ASIC2: variants seen among roughly 807,000 people sequenced by gnomAD.
ASIC2 encodes the protein acid-sensing ion channel 2.
Under a neutral mutation model 57.3 loss-of-function variants are expected in ASIC2, and 25 were observed. The ratio of observed to expected loss-of-function variants is 0.44; its 90% CI spans 0.32 to 0.61. The LOEUF is 0.61. Among genes scored for constraint, ASIC2 ranks in the 20% least tolerant of loss-of-function variants. ASIC2 has a pLI of 0.06. For missense variants in ASIC2, 641 were observed against 738.1 expected (o/e 0.87, Z 1.52); for synonymous variants, 319 against 307.5 (o/e 1.04, Z -0.39).
At chr17:33,266,213 G>A (rs1195869799) in intron 1 of ASIC2, among the ~76,000 whole-genome samples, 2 of 152,136 alleles carry the variant, frequency 1.3e-5, no homozygotes, top group Non-Finnish European at 2.9e-5. Flanking sequence ...TTTGAGTTCT[G>A]TATACAACAC....
chr17:33,423,085 G>C (rs1911100438), intron 1 of ASIC2, among the ~76,000 whole-genome samples: 1 of 152,178 alleles, frequency 6.6e-6, no homozygotes, highest in Non-Finnish European at 1.5e-5. Flanking sequence ...ATATCACACT[G>C]TTGGGGGCTC....
chr17:33,691,714 A>G (rs531253290), intron 1 of ASIC2, among the ~76,000 whole-genome samples: 4 of 152,220 alleles, frequency 2.6e-5, no homozygotes, highest in East Asian at 1.9e-4. Flanking sequence ...ATTGGATTCT[A>G]TGTAACCAAA....
chr17:33,948,823 C>T (rs1226114689), intron 1 of ASIC2, among the ~76,000 whole-genome samples: 1 of 152,098 alleles, frequency 6.6e-6, no homozygotes, highest in Non-Finnish European at 1.5e-5. Context: ...GATAAAAGCA[C>T]CAAGATAAAG....
At chr17:33,964,565 G>A (rs1196364523) in intron 1 of ASIC2, among the ~76,000 whole-genome samples, 2 of 152,196 alleles carry the variant, frequency 1.3e-5, no homozygotes, top group East Asian at 1.9e-4. Context: ...GTGATACCAC[G>A]CTGCAAAACC....
In ASIC2 at chr17:33,205,671, C is replaced by A. The variant is rs149032822; in HGVS notation, c.708+85737G>T. On this transcript the variant is annotated intron_variant, in intron 1 of 9. Transcript: ENST00000225823. ...TGAACCTGGCAATTTGTACAACTGG[C>A]CTCTTGCTGGAGGCAGCCGGCCATT... Among the ~76,000 whole-genome samples, 492 of 152,340 alleles carry A rather than the reference C, an allele frequency of 3.2e-3. 6 individuals carry two copies. Among genetic ancestry groups the A allele is most frequent in the African/African-American group, 0.011 (451 of 41,568 alleles).
intron 1 of ASIC2, among the ~76,000 whole-genome samples, chr17:33,496,531 C>T (rs990475618): frequency 6.6e-6 from 1 of 151,246 alleles, no homozygotes; most frequent in East Asian, 2.0e-4. Context: ...CAAATGCCCT[C>T]ACCTTCTGAG....
intron 1 of ASIC2, among the ~76,000 whole-genome samples, chr17:34,000,600 G>A (rs1246997736): frequency 6.6e-6 from 1 of 152,038 alleles, no homozygotes; most frequent in Admixed American, 6.6e-5. Context: ...GGGCTTCATA[G>A]GTATGAGTGT....
At chr17:33,543,522 T>A (rs937020590) in intron 1 of ASIC2, among the ~76,000 whole-genome samples, 2 of 152,188 alleles carry the variant, frequency 1.3e-5, no homozygotes, top group Admixed American at 6.5e-5. Flanking sequence ...TTGACCAGAA[T>A]GTTGGTTTCA....
intron 1 of ASIC2, among the ~76,000 whole-genome samples, chr17:33,206,383 T>G (rs947125545): frequency 1.3e-5 from 2 of 152,090 alleles, no homozygotes; most frequent in Non-Finnish European, 2.9e-5. Context: ...TCCAGTGAGG[T>G]AAGCAGTGTT....
At chr17:33,138,850 C>G (rs2092376403) in intron 1 of ASIC2, among the ~76,000 whole-genome samples, 1 of 152,196 alleles carries the variant, frequency 6.6e-6, no homozygotes, top group South Asian at 2.1e-4. Context: ...CATATTTTAA[C>G]TGGCTGCCTT....
chr17:33,277,521 T>C (rs777593437), intron 1 of ASIC2, among the ~76,000 whole-genome samples: 1 of 152,218 alleles, frequency 6.6e-6, no homozygotes, highest in Non-Finnish European at 1.5e-5. Flanking sequence ...CGGAACACAA[T>C]GCCAGGGAAA....
chr17:33,918,202 A>G (rs1915631374), intron 1 of ASIC2, among the ~76,000 whole-genome samples: 1 of 152,080 alleles, frequency 6.6e-6, no homozygotes, highest in Non-Finnish European at 1.5e-5. Flanking sequence ...GTCTTTTTCA[A>G]ATGAAACCCT....
intron 3 of ASIC2, among the ~76,000 whole-genome samples, chr17:33,067,899 G>A (rs917118297): frequency 5.3e-5 from 8 of 152,192 alleles, no homozygotes; most frequent in African/African-American, 1.9e-4. Flanking sequence ...CCTTTTCTGA[G>A]TAGTCCACAA....
At chr17:33,530,758 C>A (rs138735426) in intron 1 of ASIC2, among the ~76,000 whole-genome samples, 41 of 152,326 alleles carry the variant, frequency 2.7e-4, no homozygotes, top group Non-Finnish European at 5.6e-4. Flanking sequence ...GCAGGACCAA[C>A]CTCACAGGTA....
intron 1 of ASIC2, among the ~76,000 whole-genome samples, chr17:33,454,613 G>T (rs565316325): frequency 6.6e-6 from 1 of 152,298 alleles, no homozygotes; most frequent in South Asian, 2.1e-4. Context: ...AAAAATCTTA[G>T]ACAGCACATA....
At chr17:34,103,681 CTGT>C (rs1349805841) in intron 1 of ASIC2, among the ~76,000 whole-genome samples, 9 of 151,940 alleles carry the variant, frequency 5.9e-5, no homozygotes, top group Non-Finnish European at 1.2e-4. Context: ...CACAGATATC[CTGT>C]TGTTTCAGCA....
intron 1 of ASIC2, among the ~76,000 whole-genome samples, chr17:33,362,038 G>C (rs1407258807): frequency 6.6e-6 from 1 of 152,172 alleles, no homozygotes; most frequent in Non-Finnish European, 1.5e-5. Flanking sequence ...TCTGCTGTGT[G>C]TTATACCTCG....
intron 1 of ASIC2, among the ~76,000 whole-genome samples, chr17:33,470,111 G>A (rs1912998398): frequency 6.6e-6 from 1 of 152,224 alleles, no homozygotes; most frequent in South Asian, 2.1e-4. Flanking sequence ...GTGGACTAGT[G>A]AGGTCAGGAA....
At chr17:33,800,422 G>A (rs919152548) in intron 1 of ASIC2, among the ~76,000 whole-genome samples, 1 of 152,134 alleles carries the variant, frequency 6.6e-6, no homozygotes, top group African/African-American at 2.4e-5. Context: ...TGCCTTTGGT[G>A]TGTACGAATT....
Sources: gnomAD v4.1 joint callset for allele counts (sites outside exome capture counted in the v4.1 genomes callset) on GRCh38, gnomAD v4.1.1 for gene constraint, MANE v1.5 for transcripts, NCBI Gene and HGNC (gene_info 2026-07-23, HGNC 2026-07-21) for gene names.